Variants in ST8SIA1 observed in about 807,000 individuals in gnomAD.
The protein encoded by ST8SIA1 is ST8 alpha-N-acetyl-neuraminide alpha-2,8-sialyltransferase 1.
ST8SIA1 carries 16 observed loss-of-function variants against 35.9 expected under a neutral mutation model. The observed-to-expected ratio is 0.45, with a 90% CI of 0.30 to 0.68. The LOEUF is 0.68. Among genes scored for constraint, ST8SIA1 ranks in the 30% least tolerant of loss-of-function variants. ST8SIA1 has a pLI of 0.09. For missense variants in ST8SIA1, 383 were observed against 453.6 expected (o/e 0.84, Z 1.41); for synonymous variants, 170 against 169.6 (o/e 1.00, Z -0.02).
chr12:22,285,561 A>G (rs752426319), intron 2 of ST8SIA1, among the ~76,000 whole-genome samples: 2 of 152,224 alleles, frequency 1.3e-5, no homozygotes, highest in Non-Finnish European at 2.9e-5. Flanking sequence ...AATGCTTTGT[A>G]TTTATAAAGT....
intron 4 of ST8SIA1, among the ~76,000 whole-genome samples, chr12:22,235,153 C>T (rs989560954): frequency 6.6e-6 from 1 of 152,056 alleles, no homozygotes; most frequent in African/African-American, 2.4e-5. Context: ...TTTATAAATG[C>T]AATAACACTA....
At chr12:22,254,586 G>A (rs1200028379) in intron 3 of ST8SIA1, among the ~76,000 whole-genome samples, 1 of 152,110 alleles carries the variant, frequency 6.6e-6, no homozygotes, top group Non-Finnish European at 1.5e-5. Flanking sequence ...TTCTATACGT[G>A]GCTGGTAAGC....
At chr12:22,295,754 C>T (rs917168272) in intron 1 of ST8SIA1, among the ~76,000 whole-genome samples, 23 of 152,084 alleles carry the variant, frequency 1.5e-4, no homozygotes, top group African/African-American at 5.6e-4. Context: ...CAAAAAGAAC[C>T]TACTTGATTT....
chr12:22,304,257 G>A (rs1344159557), intron 1 of ST8SIA1, among the ~76,000 whole-genome samples: 1 of 151,078 alleles, frequency 6.6e-6, no homozygotes, highest in African/African-American at 2.4e-5. Flanking sequence ...ATGTATGCAT[G>A]TGTGTCTATG....
At chr12:22,330,924 C>T in intron 1 of ST8SIA1, among the ~76,000 whole-genome samples, 1 of 152,166 alleles carries the variant, frequency 6.6e-6, no homozygotes, top group Non-Finnish European at 1.5e-5. Context: ...TCAAAAGCAA[C>T]AAGAATTAAG....
At chr12:22,285,871 C>CAAAAACAAAAAAAAAAAA (rs1866092950) in intron 2 of ST8SIA1, among the ~76,000 whole-genome samples, 1 of 94,952 alleles carries the variant, frequency 1.1e-5, no homozygotes, top group African/African-American at 4.6e-5. Context: ...AAGACTCTGT[C>CAAAAACAAAAAAAAAAAA]AAAAACAAAA....
At chr12:22,332,726 T>C (rs533495282) in intron 1 of ST8SIA1, among the ~76,000 whole-genome samples, 1 of 152,228 alleles carries the variant, frequency 6.6e-6, no homozygotes, top group Non-Finnish European at 1.5e-5. Flanking sequence ...ATCTTTTTAA[T>C]CCTCTTTCCA....
intron 4 of ST8SIA1, among the ~76,000 whole-genome samples, chr12:22,209,821 T>C (rs1865158044): frequency 6.6e-6 from 1 of 152,246 alleles, no homozygotes; most frequent in Non-Finnish European, 1.5e-5. Context: ...ACATCTTTAC[T>C]GTCTCTGTTG....
At chr12:22,268,875 G>T (rs1159924055) in intron 2 of ST8SIA1, among the ~76,000 whole-genome samples, 12 of 152,140 alleles carry the variant, frequency 7.9e-5, no homozygotes, top group African/African-American at 2.7e-4. Context: ...CCCTACTCAT[G>T]GGCATGGGAG....
intron 2 of ST8SIA1, among the ~76,000 whole-genome samples, chr12:22,263,008 G>A (rs1008705391): frequency 5.9e-5 from 9 of 152,050 alleles, no homozygotes; most frequent in South Asian, 2.1e-4. Flanking sequence ...CAGAATCCCC[G>A]AAGCAACCAG....
chr12:22,202,940 G>T (rs1395483540), intron 4 of ST8SIA1, among the ~76,000 whole-genome samples: 1 of 152,164 alleles, frequency 6.6e-6, no homozygotes, highest in African/African-American at 2.4e-5. Context: ...AATGTAGGAG[G>T]TGCTAATGGC....
intron 4 of ST8SIA1, among the ~76,000 whole-genome samples, chr12:22,222,979 C>G (rs1433097333): frequency 6.6e-6 from 1 of 152,138 alleles, no homozygotes; most frequent in African/African-American, 2.4e-5. Context: ...TTTTTGGGAT[C>G]TCTTCAAACC....
chr12:22,290,767 C>T (rs1222399172), intron 1 of ST8SIA1, among the ~76,000 whole-genome samples: 1 of 152,194 alleles, frequency 6.6e-6, no homozygotes, highest in African/African-American at 2.4e-5. Context: ...AATTCTGGAG[C>T]ACAGCTATAG....
At chr12:22,298,554 A>G (rs1866275919) in intron 1 of ST8SIA1, among the ~76,000 whole-genome samples, 1 of 152,126 alleles carries the variant, frequency 6.6e-6, no homozygotes, top group Non-Finnish European at 1.5e-5. Context: ...GTTTTTTCCT[A>G]CTCTCAATAT....
intron 4 of ST8SIA1, among the ~76,000 whole-genome samples, chr12:22,232,984 G>T (rs2120701192): frequency 6.6e-6 from 1 of 152,206 alleles, no homozygotes; most frequent in African/African-American, 2.4e-5. Context: ...ACTAACAACT[G>T]ACTACTGCAA....
chr12:22,253,453 C>A (rs528920680), intron 3 of ST8SIA1, among the ~76,000 whole-genome samples: 1 of 152,188 alleles, frequency 6.6e-6, no homozygotes, highest in Non-Finnish European at 1.5e-5. Flanking sequence ...ATCTTTCCCA[C>A]CTTGGACTCT....
intron 2 of ST8SIA1, among the ~76,000 whole-genome samples, chr12:22,267,361 T>C (rs1455242988): frequency 2.6e-5 from 4 of 152,218 alleles, no homozygotes; most frequent in Non-Finnish European, 4.4e-5. Context: ...CCATGATTGA[T>C]TGTCTCATAT....
intron 4 of ST8SIA1, among the ~76,000 whole-genome samples, chr12:22,221,513 G>A (rs1865300759): frequency 6.6e-6 from 1 of 152,156 alleles, no homozygotes; most frequent in African/African-American, 2.4e-5. Flanking sequence ...ACAAAGAAGA[G>A]GAGGTGAGAA....
intron 1 of ST8SIA1, among the ~76,000 whole-genome samples, chr12:22,327,120 A>T (rs1400104838): frequency 6.6e-6 from 1 of 152,194 alleles, no homozygotes; most frequent in Non-Finnish European, 1.5e-5. Flanking sequence ...AACCACCTCC[A>T]TTTGCAAGGC....
Sources: gnomAD v4.1 joint callset for allele counts (sites outside exome capture counted in the v4.1 genomes callset) on GRCh38, gnomAD v4.1.1 for gene constraint, MANE v1.5 for transcripts, NCBI Gene and HGNC (gene_info 2026-07-23, HGNC 2026-07-21) for gene names.